Variants in RACGAP1 observed in about 807,000 individuals in gnomAD.
RACGAP1 encodes Rac GTPase activating protein 1.
Under a neutral mutation model 78.1 loss-of-function variants are expected in RACGAP1, and 30 were observed. The ratio of observed to expected loss-of-function variants is 0.38; its 90% confidence interval spans 0.29 to 0.52. The LOEUF (loss-of-function observed/expected upper bound fraction) is 0.52, where lower values mean the gene tolerates loss of function less well. Among genes scored for constraint, RACGAP1 ranks in the 20% least tolerant of loss-of-function variants. The probability of loss-of-function intolerance (pLI) is 0.82; values close to 1 mark genes in which losing one functional copy is unlikely to be tolerated. For synonymous variants in RACGAP1, 231 were observed against 264.8 expected, an observed-to-expected ratio of 0.87 and a Z score of 1.24; for missense variants, 587 against 777.1, an observed-to-expected ratio of 0.76 and a Z score of 2.91.
Position 49,989,463 on chromosome 12 carries a change from T to C in RACGAP1, c.*805A>G, listed in dbSNP as rs1482473334. 1 of 152,180 alleles carries C rather than the reference T, an allele frequency of 6.6e-6. No homozygotes were observed. Among genetic ancestry groups the C allele is most frequent in the Non-Finnish European group, 1.5e-5 (1 of 68,028 alleles). The allele number at this position is 152,180 out of a possible 1,614,324, so 9.4% of individuals were successfully genotyped here. ...AGTTGGGATGCCAAAGGATGATATATTGACCTTTAGAAGTTGGGCTCCACT... is the reference window on the plus strand; with the variant it reads ...AGTTGGGATGCCAAAGGATGATATACTGACCTTTAGAAGTTGGGCTCCACT... On this transcript the variant is annotated 3_prime_UTR_variant, in exon 17 of 17. Transcript: ENST00000312377.
At chr12:50,025,241 C>T in intron 1 of RACGAP1, 157 bp downstream of exon 1, 1 of 940,018 alleles carries the variant, frequency 1.1e-6, no homozygotes, top group Non-Finnish European at 1.3e-6. Context: ...CGACCCCCAC[C>T]CCAGAAAAGC....
At chr12:49,992,187 G>A in intron 14 of RACGAP1, 54 bp from the exon 15 acceptor site, 1 of 1,612,466 alleles carries the variant, frequency 6.2e-7, no homozygotes, top group East Asian at 2.2e-5. Flanking sequence ...CTTCTCAACT[G>A]TCTTTCAAGT....
intron 2 of RACGAP1, 81 bp from the exon 3 acceptor site, chr12:50,006,717 T>C: frequency 7.3e-7 from 1 of 1,367,658 alleles, no homozygotes; most frequent in Non-Finnish European, 1.0e-6. Flanking sequence ...ACGGTTAGCT[T>C]TATTTGAAAT....
intron 1 of RACGAP1, among the ~76,000 whole-genome samples, chr12:50,019,083 C>T (rs1949848126): frequency 1.3e-5 from 2 of 152,244 alleles, no homozygotes; most frequent in African/African-American, 2.4e-5. Context: ...TTCTCTCAGT[C>T]GCTCAGTTCC....
intron 1 of RACGAP1, among the ~76,000 whole-genome samples, chr12:50,023,899 T>C (rs565527057): frequency 1.3e-4 from 20 of 151,896 alleles, no homozygotes; most frequent in South Asian, 6.2e-4. Flanking sequence ...TGGTGGCTCA[T>C]GCCTGTAATC....
At chr12:50,012,404 C>A (rs1481838455) in intron 2 of RACGAP1, among the ~76,000 whole-genome samples, 1 of 150,710 alleles carries the variant, frequency 6.6e-6, no homozygotes, top group Non-Finnish European at 1.5e-5. Context: ...ACTAAAAATA[C>A]AAAAAAATTA....
At chr12:50,021,793 T>TG (rs1309208107) in intron 1 of RACGAP1, among the ~76,000 whole-genome samples, 1 of 152,214 alleles carries the variant, frequency 6.6e-6, no homozygotes, top group Non-Finnish European at 1.5e-5. Context: ...ATAGATTCCC[T>TG]GCTGTCAAGG....
chr12:50,021,918 C>T (rs10506290), intron 1 of RACGAP1, among the ~76,000 whole-genome samples: 6,495 of 152,208 alleles, frequency 0.043, 479 homozygotes, highest in African/African-American at 0.15. Flanking sequence ...TTCACTGTAT[C>T]GAAAGTCTCT....
chr12:50,007,426 A>G (rs146924458), intron 2 of RACGAP1, among the ~76,000 whole-genome samples: 1 of 152,320 alleles, frequency 6.6e-6, no homozygotes, highest in East Asian at 1.9e-4. Flanking sequence ...CTGTTCTGCA[A>G]TGTATTTGCA....
In RACGAP1 at chr12:49,993,775, G is replaced by A. The variant is rs945215926; in HGVS notation, c.1339+356C>T. On this transcript the variant is annotated intron_variant, in intron 12 of 16. Transcript: ENST00000312377. ...AAAAAAAAAAAAAGAGGCTGGGCAC[G>A]GTGGCTCACGCCTGTAATCGCAGCA... Among the ~76,000 whole-genome samples the A allele has an allele frequency of 2.3e-4, 34 of 149,396 alleles. No homozygotes were observed. In the East Asian group the frequency reaches 4.6e-3, roughly 20 times the overall value.
intron 7 of RACGAP1, among the ~76,000 whole-genome samples, chr12:50,000,539 G>A (rs185988501): frequency 3.3e-5 from 5 of 152,006 alleles, no homozygotes; most frequent in Admixed American, 3.3e-4. Flanking sequence ...AGGCCAAGGT[G>A]GGAAGATCAC....
At chr12:49,999,027 G>A (rs1948484121) in intron 9 of RACGAP1, 114 bp downstream of exon 9, 6 of 1,274,398 alleles carry the variant, frequency 4.7e-6, no homozygotes, top group Admixed American at 6.7e-5. Flanking sequence ...AAATTGGAAT[G>A]AGGAAGGAAA....
Position 49,999,268 on chromosome 12 carries a change from G to C in RACGAP1, c.752C>G (p.Thr251Ser). ...YWTRSRRKTG[T>S]LQPWNSDSTL... Reference sequence around the variant, plus strand: ...GGAGTCACTGTTCCAAGGTTGTAAAGTACCTAGAAAACAAGCAACTTTTAA... The same window carrying C: ...GGAGTCACTGTTCCAAGGTTGTAAACTACCTAGAAAACAAGCAACTTTTAA... The change falls in exon 9 of 17, where the codon ACT becomes AGT. Residue 251 changes from threonine to serine, a missense_variant. Transcript: ENST00000312377. 2 of 1,598,562 alleles carry C rather than the reference G, an allele frequency of 1.3e-6. No individual in the cohort carries two copies. The highest frequency in any genetic ancestry group is 1.7e-6 in the Non-Finnish European group (2 of 1,176,250).
At chr12:49,996,650 AAAAAAAAAAAAAAAAAAAT>A (rs1233533066) in intron 10 of RACGAP1, among the ~76,000 whole-genome samples, 3 of 145,052 alleles carry the variant, frequency 2.1e-5, no homozygotes, top group African/African-American at 5.1e-5. Context: ...AAAAAAAAAA[AAAAAAAAAAAAAAAAAAAT>A]GGACACAAGT....
intron 1 of RACGAP1, among the ~76,000 whole-genome samples, chr12:50,021,761 A>C (rs1345105782): frequency 6.6e-6 from 1 of 152,216 alleles, no homozygotes; most frequent in Non-Finnish European, 1.5e-5. Context: ...CTAAATCTGG[A>C]GATTTCCAAG....
Position 50,016,708 on chromosome 12 carries a change from G to A in RACGAP1, c.8C>T (p.Thr3Ile). The A allele has an allele frequency of 6.2e-7, 1 of 1,613,682 alleles. No individual in the cohort carries two copies. Among genetic ancestry groups the A allele is most frequent in the Non-Finnish European group, 8.5e-7 (1 of 1,179,988 alleles). Residue 3 changes from threonine to isoleucine, a missense_variant, in exon 2 of 17, where the codon ACT (threonine) becomes ATT (isoleucine). Transcript: ENST00000312377. ...CAGATTCCGCACATTCAGCATCATA[G>A]TATCCATCTTTCTGCCAAGAAATCA... is the stretch of plus-strand genomic sequence containing the variant. MDTMMLNVRNLFE... is the reference protein window; with the variant it reads MDIMMLNVRNLFE...
chr12:50,017,308 C>A (rs556974005), intron 1 of RACGAP1, among the ~76,000 whole-genome samples: 1 of 152,174 alleles, frequency 6.6e-6, no homozygotes, highest in African/African-American at 2.4e-5. Context: ...TGCTGGGCTG[C>A]GTGCAGGAAC....
At chr12:50,020,722 T>C (rs190760265) in intron 1 of RACGAP1, among the ~76,000 whole-genome samples, 10 of 152,200 alleles carry the variant, frequency 6.6e-5, no homozygotes, top group Non-Finnish European at 1.2e-4. Flanking sequence ...GCAACACATA[T>C]AAAACACAAA....
chr12:50,007,792 T>C (rs1404331581), intron 2 of RACGAP1, among the ~76,000 whole-genome samples: 4 of 152,274 alleles, frequency 2.6e-5, no homozygotes, highest in South Asian at 4.1e-4. Flanking sequence ...TAGGTTATTA[T>C]GACCTAGTTA....
Sources: allele counts gnomAD v4.1 joint callset (sites outside exome capture counted in the v4.1 genomes callset), GRCh38; gene constraint gnomAD v4.1.1; transcripts MANE v1.5; gene names NCBI Gene and HGNC (gene_info 2026-07-23, HGNC 2026-07-21).